Variants in PRKN observed in about 807,000 individuals in gnomAD.
PRKN encodes the protein parkin RBR E3 ubiquitin protein ligase.
PRKN carries 56 observed loss-of-function variants against 59.5 expected under a neutral mutation model. The observed-to-expected ratio is 0.94, with a 90% CI of 0.76 to 1.18. PRKN has a LOEUF of 1.18. Ranked by LOEUF, PRKN falls within the 50% of genes most tolerant of loss-of-function variation. The pLI is 0.00. For missense variants in PRKN, 657 were observed against 596.4 expected, an observed-to-expected ratio of 1.10 and a Z score of -1.06; for synonymous variants, 250 against 222.1, an observed-to-expected ratio of 1.13 and a Z score of -1.12.
chr6:161,705,386 T>C (rs997020809), intron 7 of PRKN, among the ~76,000 whole-genome samples: 1 of 152,198 alleles, frequency 6.6e-6, no homozygotes. Flanking sequence ...ATTTATTGAA[T>C]ACTGTACAAA....
intron 6 of PRKN, among the ~76,000 whole-genome samples, chr6:161,844,028 C>G (rs887785678): frequency 3.9e-5 from 6 of 151,996 alleles, no homozygotes; most frequent in Non-Finnish European, 7.4e-5. Flanking sequence ...AGATGAAGGA[C>G]CCGAGGCTTA....
intron 7 of PRKN, among the ~76,000 whole-genome samples, chr6:161,675,780 G>A (rs1785064298): frequency 6.6e-6 from 1 of 152,134 alleles, no homozygotes; most frequent in African/African-American, 2.4e-5. Context: ...AATTACAAAG[G>A]ACTTTTAGAA....
At chr6:162,011,442 T>TTATAATATATAATATATTATATA (rs1562459059) in intron 5 of PRKN, among the ~76,000 whole-genome samples, 364 of 11,142 alleles carry the variant, frequency 0.033, 58 homozygotes, top group African/African-American at 0.19. Flanking sequence ...ATGTTATATA[T>TTATAATATATAATATATTATATA]TTATAATATA....
intron 6 of PRKN, among the ~76,000 whole-genome samples, chr6:161,959,052 T>C (rs1780285188): frequency 6.6e-6 from 1 of 152,240 alleles, no homozygotes; most frequent in African/African-American, 2.4e-5. Flanking sequence ...TTAAATATTG[T>C]TATTTTTGTT....
rs1784669524 is a variant in PRKN, at chr6:161,354,219, C to G, written c.1286-4008G>C. ...GAGCTAGACCCAGGCCATGGAGGAG[C>G]ATGGAGGACCGCAATTCTAAAAGCT... On this transcript the variant is annotated intron_variant, in intron 11 of 11. Coordinates refer to ENST00000366898, the MANE Select transcript of PRKN (RefSeq NM_004562.3). The surrounding 1 kb of genome is among the most constrained non-coding windows in gnomAD (Gnocchi z 6.7). Among the ~76,000 whole-genome samples, 1 of 152,156 alleles carries G rather than the reference C, an allele frequency of 6.6e-6. No homozygotes were observed. The highest frequency in any genetic ancestry group is 1.5e-5 in the Non-Finnish European group (1 of 68,038).
chr6:162,299,819 A>T (rs1781861354), intron 2 of PRKN, among the ~76,000 whole-genome samples: 1 of 152,148 alleles, frequency 6.6e-6, no homozygotes, highest in Admixed American at 6.5e-5. Context: ...TCTGTAACAA[A>T]TAACTAATTA....
intron 4 of PRKN, among the ~76,000 whole-genome samples, chr6:162,144,593 G>A (rs1242623285): frequency 6.6e-6 from 1 of 152,134 alleles, no homozygotes; most frequent in Non-Finnish European, 1.5e-5. Flanking sequence ...TAGGACCTAT[G>A]GTCACAGGCC....
intron 9 of PRKN, among the ~76,000 whole-genome samples, chr6:161,543,681 T>C (rs994636466): frequency 1.2e-4 from 18 of 152,248 alleles, no homozygotes; most frequent in African/African-American, 4.3e-4. Context: ...GGATTTCTAA[T>C]TAAAAACAGA....
intron 3 of PRKN, among the ~76,000 whole-genome samples, chr6:162,244,262 T>C (rs1478329302): frequency 6.6e-6 from 1 of 152,016 alleles, no homozygotes; most frequent in Non-Finnish European, 1.5e-5. Context: ...AGGGAGGTGA[T>C]GAGTAAGAAG....
At chr6:161,932,823 CT>C (rs146599846) in intron 6 of PRKN, among the ~76,000 whole-genome samples, 17 of 147,972 alleles carry the variant, frequency 1.1e-4, no homozygotes, top group East Asian at 3.9e-4. Flanking sequence ...CATATTTATG[CT>C]TTTTTTTTTC....
In PRKN at chr6:161,487,435, G is replaced by A. The variant is rs1410914266; in HGVS notation, c.1083+61419C>T. 1.2e-4 allele frequency among the ~76,000 whole-genome samples: 19 copies of A among 152,196 alleles called. No individual in the cohort carries two copies. The highest frequency in any genetic ancestry group is 1.2e-3 in the Admixed American group (19 of 15,280). On this transcript the variant is annotated intron_variant, in intron 9 of 11. Transcript: ENST00000366898. The surrounding 1 kb of genome is among the most constrained non-coding windows in gnomAD (Gnocchi z 5.3). ...AAAGGAATTTTCTAGAACTAAGAGT[G>A]TGTGTTGGGAAGGTAATGAGATGGG...
chr6:161,746,852 GTATC>G (rs898875269), intron 7 of PRKN, among the ~76,000 whole-genome samples: 4 of 144,918 alleles, frequency 2.8e-5, no homozygotes, highest in African/African-American at 8.1e-5. Context: ...CTATATGTAT[GTATC>G]TATATATCTA....
intron 1 of PRKN, among the ~76,000 whole-genome samples, chr6:162,637,922 C>T (rs988892917): frequency 2.0e-5 from 3 of 152,042 alleles, no homozygotes; most frequent in African/African-American, 7.2e-5. Context: ...AACTATGGCC[C>T]TAAAGCATTG....
At chr6:161,862,639 G>A (rs747193163) in intron 6 of PRKN, among the ~76,000 whole-genome samples, 1 of 152,104 alleles carries the variant, frequency 6.6e-6, no homozygotes, top group African/African-American at 2.4e-5. Context: ...GGTCTACTGA[G>A]CCTGTGGAAG....
At chr6:162,318,498 G>GGGTATATACCT (rs1175624591) in intron 2 of PRKN, among the ~76,000 whole-genome samples, 1 of 152,016 alleles carries the variant, frequency 6.6e-6, no homozygotes, top group Non-Finnish European at 1.5e-5. Context: ...TGAAATTGCT[G>GGGTATATACCT]GGTGATCATC....
At chr6:162,201,655 T>C (rs1784735700) in intron 3 of PRKN, among the ~76,000 whole-genome samples, 1 of 152,184 alleles carries the variant, frequency 6.6e-6, no homozygotes, top group Admixed American at 6.5e-5. Flanking sequence ...ACTGCAGATT[T>C]TTCCTCATAA....
At chr6:161,797,009 A>G (rs3019426) in intron 6 of PRKN, among the ~76,000 whole-genome samples, 144,942 of 152,298 alleles carry the variant, frequency 0.95, 69,041 homozygotes, top group African/African-American at 0.99. Flanking sequence ...AATTGTTCTG[A>G]TGTATCCCCA....
At chr6:162,280,472 C>T (rs905071464) in intron 2 of PRKN, among the ~76,000 whole-genome samples, 4 of 151,792 alleles carry the variant, frequency 2.6e-5, no homozygotes, top group Non-Finnish European at 4.4e-5. Flanking sequence ...ATTAAAAGAA[C>T]TAAAGAAGCA....
rs151222583 is a variant in PRKN at position 161,856,469 on chromosome 6, C to G, written c.735-70561G>C. Among the ~76,000 whole-genome samples, 595 of 152,178 alleles carry G rather than the reference C, an allele frequency of 3.9e-3. 6 individuals carry two copies. Among genetic ancestry groups the G allele is most frequent in the African/African-American group, 0.014 (567 of 41,522 alleles). On this transcript the variant is annotated intron_variant, in intron 6 of 11. Coordinates refer to ENST00000366898, the MANE Select transcript of PRKN (RefSeq NM_004562.3). ...GATATATGCTTTCTGTAATTTGACTCAATGGGTTTTTGAATCCTTCATATA... is the reference window on the plus strand; with the variant it reads ...GATATATGCTTTCTGTAATTTGACTGAATGGGTTTTTGAATCCTTCATATA...
Sources: gnomAD v4.1 joint callset for allele counts (sites outside exome capture counted in the v4.1 genomes callset) on GRCh38, gnomAD v4.1.1 for gene constraint, Gnocchi (gnomAD v3.1) non-coding constraint, MANE v1.5 for transcripts, NCBI Gene and HGNC (gene_info 2026-07-23, HGNC 2026-07-21) for gene names.